ANXA5: variants seen among roughly 807,000 people sequenced by gnomAD.
ANXA5 encodes the protein annexin A5, also known as CBP-I.
ANXA5 carries 40 observed loss-of-function variants against 48.1 expected under a neutral mutation model. The ratio of observed to expected loss-of-function variants is 0.83; its 90% confidence interval spans 0.65 to 1.08. The LOEUF (loss-of-function observed/expected upper bound fraction) is 1.08, where lower values mean the gene tolerates loss of function less well. Ranked by LOEUF, ANXA5 falls within the 50% of genes least tolerant of loss-of-function variation. ANXA5 has a pLI of 0.00. For missense variants in ANXA5, 357 were observed against 376.8 expected (o/e 0.95, Z 0.44); for synonymous variants, 113 against 129.1 (o/e 0.88, Z 0.85).
chr4:121,682,124 G>A (rs1001186943), intron 5 of ANXA5, among the ~76,000 whole-genome samples: 1 of 152,022 alleles, frequency 6.6e-6, no homozygotes, highest in Non-Finnish European at 1.5e-5. Context: ...AAAACCGAAA[G>A]AGTAAAAATG....
chr4:121,684,411 G>C (rs1284982288), intron 4 of ANXA5, among the ~76,000 whole-genome samples: 1 of 152,100 alleles, frequency 6.6e-6, no homozygotes, highest in Non-Finnish European at 1.5e-5. Flanking sequence ...GAAACACAGA[G>C]GAAAAGAAGA....
intron 4 of ANXA5, among the ~76,000 whole-genome samples, chr4:121,684,171 C>T (rs544607226): frequency 6.6e-5 from 10 of 152,024 alleles, no homozygotes; most frequent in Admixed American, 2.6e-4. Context: ...TCCATGCATG[C>T]ACTAATTCAT....
At position 121,683,452 on chromosome 4, in the gene ANXA5, T is replaced by C; in HGVS notation, c.215A>G (p.Glu72Gly). The change falls in exon 5 of 13, where the codon GAA (glutamate) becomes GGA (glycine). Residue 72 changes from glutamate (E) to glycine (G), a missense_variant. Physicochemically the swap from Glu to Gly is moderately conservative, Grantham distance 98 (BLOSUM62 -2). Coordinates refer to ENST00000296511, the MANE Select transcript of ANXA5 (RefSeq NM_001154.4). ...TAATTTTTCAAATTTTCCAGTTAGT[T>C]CTGATTTCAGGTCATCCAGAAGATC... is the stretch of plus-strand genomic sequence containing the variant. ...GRDLLDDLKS[E>G]LTGKFEKLIV... 1 of 1,610,212 alleles carries C rather than the reference T, an allele frequency of 6.2e-7. No individual in the cohort carries two copies. Among genetic ancestry groups the C allele is most frequent in the Non-Finnish European group, 8.5e-7 (1 of 1,177,336 alleles).
intron 8 of ANXA5, among the ~76,000 whole-genome samples, chr4:121,675,219 A>G (rs1724678516): frequency 6.6e-6 from 1 of 152,258 alleles, no homozygotes; most frequent in South Asian, 2.1e-4. Flanking sequence ...TAAAAAGTGG[A>G]TTATCTACAA....
intron 3 of ANXA5, among the ~76,000 whole-genome samples, chr4:121,685,063 T>C (rs865830790): frequency 2.8e-4 from 37 of 132,286 alleles, no homozygotes; most frequent in African/African-American, 5.3e-4. Flanking sequence ...CACACACACA[T>C]ATATATATAC....
intron 10 of ANXA5, among the ~76,000 whole-genome samples, chr4:121,671,118 T>C (rs1249717121): frequency 6.6e-6 from 1 of 152,228 alleles, no homozygotes; most frequent in Non-Finnish European, 1.5e-5. Flanking sequence ...TCACATCTTC[T>C]ATTACATCAA....
At chr4:121,686,029 C>CTT (rs60663589) in intron 3 of ANXA5, among the ~76,000 whole-genome samples, 5,389 of 140,324 alleles carry the variant, frequency 0.038, 174 homozygotes, top group African/African-American at 0.068. Context: ...AATTTTTTTG[C>CTT]TTTTTTTTTT....
Position 121,678,511 on chromosome 4 carries a change from T to C in ANXA5, c.395-17A>G. The C allele has an allele frequency of 6.3e-7, 1 of 1,599,100 alleles. No homozygotes were observed. Among genetic ancestry groups the C allele is most frequent in the Non-Finnish European group, 8.6e-7 (1 of 1,167,948 alleles). On this transcript the variant is annotated splice_polypyrimidine_tract_variant and intron_variant, in intron 6 of 12. Transcript: ENST00000296511. ...AGCCATATTCTGCAACAAAATAATTTCATACTTATTTACATCTTCTTTCAA... is the reference window on the plus strand; with the variant it reads ...AGCCATATTCTGCAACAAAATAATTCCATACTTATTTACATCTTCTTTCAA...
chr4:121,693,144 G>C (rs891791042), intron 2 of ANXA5, among the ~76,000 whole-genome samples: 4 of 151,944 alleles, frequency 2.6e-5, no homozygotes, highest in African/African-American at 7.3e-5. Flanking sequence ...TGAGGGAAGA[G>C]AATCAGTTGA....
chr4:121,672,671 A>G, intron 8 of ANXA5, 45 bp from the exon 9 acceptor site: 1 of 1,413,596 alleles, frequency 7.1e-7, no homozygotes, highest in Non-Finnish European at 1.0e-6. Context: ...CCTCCATCTC[A>G]TTTCCAGGTT....
At chr4:121,678,017 C>A in intron 7 of ANXA5, 67 bp from the exon 8 acceptor site, 1 of 1,210,210 alleles carries the variant, frequency 8.3e-7, no homozygotes. Flanking sequence ...AAAATGGTTC[C>A]ACCTGATGGT....
Position 121,669,694 on chromosome 4 carries a change from T to C in ANXA5, c.811A>G (p.Arg271Gly), listed in dbSNP as rs764077625. 9.3e-6 allele frequency: 15 copies of C among 1,611,836 alleles called. No homozygotes were observed. Among genetic ancestry groups the C allele is most frequent in the African/African-American group, 1.3e-5 (1 of 74,406 alleles). The change falls in exon 12 of 13, where the codon AGA becomes GGA. Residue 271 changes from arginine (R) to glycine (G), a missense_variant. Physicochemically the swap from Arg to Gly is moderately radical, Grantham distance 125 (BLOSUM62 -2). Coordinates refer to ENST00000296511, the MANE Select transcript of ANXA5 (RefSeq NM_001154.4). ...GAGTDDHTLI[R>G]VMVSRSEIDL... ...ATCTCACTCCTGGAAACCATGACTCTGATGAGGGTATGATCATCTGTCCCA... is the reference window on the plus strand; with the variant it reads ...ATCTCACTCCTGGAAACCATGACTCCGATGAGGGTATGATCATCTGTCCCA...
At chr4:121,694,746 A>C (rs1725049642) in intron 2 of ANXA5, among the ~76,000 whole-genome samples, 1 of 152,226 alleles carries the variant, frequency 6.6e-6, no homozygotes, top group South Asian at 2.1e-4. Context: ...ACAAAACTAG[A>C]ACAAAATTTA....
At chr4:121,685,463 G>A (rs1412968438) in intron 3 of ANXA5, among the ~76,000 whole-genome samples, 2 of 152,170 alleles carry the variant, frequency 1.3e-5, no homozygotes, top group African/African-American at 2.4e-5. Flanking sequence ...GAAGGACAGC[G>A]TTTAGAATGA....
Position 121,696,627 on chromosome 4 carries a change from G to T in ANXA5, c.-35-3C>A. 1 of 1,384,764 alleles carries T rather than the reference G, an allele frequency of 7.2e-7. No individual in the cohort carries two copies. Among genetic ancestry groups the T allele is most frequent in the Non-Finnish European group, 9.4e-7 (1 of 1,058,466 alleles). 85.8% of individuals were successfully genotyped at this position (1,384,764 alleles called of 1,614,324 possible). A position where few individuals can be genotyped will look rare whatever the true frequency, so the allele number is the denominator to read the frequency against. On this transcript the variant is annotated splice_polypyrimidine_tract_variant and splice_region_variant and intron_variant, in intron 1 of 12. Transcript: ENST00000296511. ...GGTCAGGGGAAGGTGAAGCAGGACT[G>T]CAAAAGAGAAGAAACCTCGGGCTTA...
At chr4:121,685,659 G>A (rs919576040) in intron 3 of ANXA5, among the ~76,000 whole-genome samples, 1 of 152,196 alleles carries the variant, frequency 6.6e-6, no homozygotes, top group African/African-American at 2.4e-5. Context: ...CTGAGCACAG[G>A]AGATCAGTGA....
intron 2 of ANXA5, among the ~76,000 whole-genome samples, chr4:121,690,087 A>G (rs954728679): frequency 1.3e-5 from 2 of 152,228 alleles, no homozygotes; most frequent in Non-Finnish European, 2.9e-5. Context: ...AGTGGCAGCT[A>G]GTATCTGCTG....
intron 6 of ANXA5, among the ~76,000 whole-genome samples, chr4:121,679,060 C>T (rs567666630): frequency 6.6e-6 from 1 of 151,904 alleles, no homozygotes; most frequent in South Asian, 2.1e-4. Context: ...CTGGGATCTA[C>T]AAGAGTCTAC....
rs60663589 is a variant in ANXA5 at position 121,686,029 on chromosome 4, C to CTTTT, written c.94+255_94+258dup. Among the ~76,000 whole-genome samples, 296 of 140,352 alleles carry CTTTT rather than the reference C, an allele frequency of 2.1e-3. 3 individuals carry two copies. Among genetic ancestry groups the CTTTT allele is most frequent in the South Asian group, 0.013 (57 of 4,454 alleles). 92.1% of individuals were successfully genotyped at this position (140,352 alleles called of 152,430 possible). On this transcript the variant is annotated intron_variant, in intron 3 of 12. Coordinates refer to ENST00000296511, the MANE Select transcript of ANXA5 (RefSeq NM_001154.4). The stretch of plus-strand genomic sequence containing the variant: ...CTGAAAACATTATGAAATTTTTTTG[C>CTTTT]TTTTTTTTTTTTTTTAGCTCATCAG...
Sources: gnomAD v4.1 joint callset for allele counts (sites outside exome capture counted in the v4.1 genomes callset) on GRCh38, gnomAD v4.1.1 for gene constraint, MANE v1.5 for transcripts, NCBI Gene and HGNC (gene_info 2026-07-23, HGNC 2026-07-21) for gene names.